The following VAV1 variants were observed in gnomAD, a reference collection of about 807,000 sequenced individuals.
VAV1 encodes the protein proto-oncogene vav.
Under a neutral mutation model 128.1 loss-of-function variants are expected in VAV1, and 33 were observed. The observed-to-expected ratio is 0.26, with a 90% confidence interval of 0.20 to 0.34. The LOEUF (loss-of-function observed/expected upper bound fraction) is 0.34, where lower values mean the gene tolerates loss of function less well. Ranked by LOEUF, VAV1 falls within the 10% of genes least tolerant of loss-of-function variation. The pLI is 1.00. For missense variants in VAV1, 715 were observed against 1,093.7 expected (o/e 0.65, Z 4.88); for synonymous variants, 394 against 409.8 (o/e 0.96, Z 0.47).
intron 19 of VAV1, among the ~76,000 whole-genome samples, chr19:6,835,168 G>A (rs1007669678): frequency 4.6e-5 from 7 of 151,280 alleles, no homozygotes; most frequent in Non-Finnish European, 8.8e-5. Flanking sequence ...GAAACAACCC[G>A]TGTCCTTTGT....
chr19:6,807,598 GC>G (rs1346182450), intron 1 of VAV1, among the ~76,000 whole-genome samples: 4 of 152,140 alleles, frequency 2.6e-5, no homozygotes, highest in Non-Finnish European at 4.4e-5. Context: ...TGTACTGGGA[GC>G]TACTCTGGAG....
chr19:6,850,531 C>T, intron 23 of VAV1, 139 bp from the exon 24 acceptor site: 1 of 699,754 alleles, frequency 1.4e-6, no homozygotes, highest in Non-Finnish European at 2.5e-6. Context: ...AGGGAATGGG[C>T]TCTGTTGGGA....
chr19:6,840,470 T>C (rs1972346125), intron 21 of VAV1, among the ~76,000 whole-genome samples: 2 of 152,024 alleles, frequency 1.3e-5, no homozygotes, highest in African/African-American at 4.8e-5. Context: ...CACGCCTGGC[T>C]AATTTTTTGT....
intron 24 of VAV1, among the ~76,000 whole-genome samples, chr19:6,851,990 TC>T (rs1375645670): frequency 1.3e-5 from 2 of 152,148 alleles, no homozygotes; most frequent in African/African-American, 4.8e-5. Context: ...GTAGTGAGTA[TC>T]TATGAACCTT....
intron 15 of VAV1, among the ~76,000 whole-genome samples, chr19:6,832,533 CCCTTCCTCTTCTTCTTCCTCCTCCTCT>C (rs1972088462): frequency 6.9e-6 from 1 of 144,954 alleles, no homozygotes. Flanking sequence ...CCTCCTCCTC[CCCTTCCTCTTCTTCTTCCTCCTCCTCT>C]CCTTCCTCCC....
At chr19:6,846,566 AATTATAT>A (rs1231964626) in intron 22 of VAV1, among the ~76,000 whole-genome samples, 1 of 150,354 alleles carries the variant, frequency 6.7e-6, no homozygotes, top group Admixed American at 6.7e-5. Context: ...TCTCAAAAAA[AATTATAT>A]ATTATATATA....
chr19:6,845,141 G>T (rs1972487476), intron 22 of VAV1, among the ~76,000 whole-genome samples: 1 of 152,184 alleles, frequency 6.6e-6, no homozygotes, highest in Non-Finnish European at 1.5e-5. Context: ...AGCTCTTTGG[G>T]AGGCCGAGGC....
In VAV1 at chr19:6,820,695, C is replaced by T; in HGVS notation, c.205-7C>T. 1.2e-6 allele frequency: 2 copies of T among 1,613,772 alleles called. No homozygotes were observed. The highest frequency in any genetic ancestry group is 1.7e-6 in the Non-Finnish European group (2 of 1,179,680). On this transcript the variant is annotated splice_polypyrimidine_tract_variant and splice_region_variant and intron_variant, in intron 1 of 26. Coordinates refer to ENST00000602142, the MANE Select transcript of VAV1 (RefSeq NM_005428.4). The surrounding 1 kb of genome is among the most constrained non-coding windows in gnomAD (Gnocchi z 4.4). ...TGCCCCACCCTCATTTCTCTGTCTC[C>T]TCACAGTTCCTGTGCCTTAAGAACA...
At chr19:6,818,322 G>A (rs1277481741) in intron 1 of VAV1, among the ~76,000 whole-genome samples, 1 of 152,198 alleles carries the variant, frequency 6.6e-6, no homozygotes, top group African/African-American at 2.4e-5. Context: ...TTGCGTGGGT[G>A]CCACAACAAA....
intron 26 of VAV1, among the ~76,000 whole-genome samples, chr19:6,855,723 T>G (rs546095781): frequency 6.6e-6 from 1 of 151,722 alleles, no homozygotes; most frequent in Non-Finnish European, 1.5e-5. Context: ...GTCCATTAAT[T>G]CATCCATCCA....
chr19:6,814,033 C>T (rs1316499375), intron 1 of VAV1, among the ~76,000 whole-genome samples: 1 of 152,138 alleles, frequency 6.6e-6, no homozygotes, highest in Non-Finnish European at 1.5e-5. Context: ...CCACTCCGGC[C>T]TGGGTGACAG....
intron 1 of VAV1, among the ~76,000 whole-genome samples, chr19:6,806,244 G>A (rs562979382): frequency 1.3e-5 from 2 of 152,050 alleles, no homozygotes; most frequent in African/African-American, 4.8e-5. Context: ...ATTCCACCAC[G>A]CCCAGCTAAT....
chr19:6,830,416 A>T (rs1260040470), intron 14 of VAV1, among the ~76,000 whole-genome samples: 1 of 151,936 alleles, frequency 6.6e-6, no homozygotes, highest in Non-Finnish European at 1.5e-5. Flanking sequence ...TAAAATGGAA[A>T]GCAAAACAGA....
chr19:6,827,763 AT>A (rs11390834), intron 9 of VAV1, among the ~76,000 whole-genome samples: 28 of 145,512 alleles, frequency 1.9e-4, no homozygotes, highest in African/African-American at 6.6e-4. Context: ...CACGCCAGCT[AT>A]TTTTTTTTTT....
Position 6,814,675 on chromosome 19 carries a change from T to TTCCTTCCTTC in VAV1, c.205-6027_205-6026insTCCTTCCTTC, listed in dbSNP as rs1568299213. ...TCCTTCCTTCCTTCCTTCCTTCCTT[T>TTCCTTCCTTC]CTTTCTTTCTTTCTTTCTTTCTTTC... On this transcript the variant is annotated intron_variant, in intron 1 of 26. Transcript: ENST00000602142. Among the ~76,000 whole-genome samples, 260 of 76,742 alleles carry TTCCTTCCTTC rather than the reference T, an allele frequency of 3.4e-3. 5 individuals carry two copies. Among genetic ancestry groups the TTCCTTCCTTC allele is most frequent in the Middle Eastern group, 0.013 (2 of 156 alleles). 50.3% of individuals were successfully genotyped at this position (76,742 alleles called of 152,430 possible). A position where few individuals can be genotyped will look rare whatever the true frequency, so the allele number is the denominator to read the frequency against.
chr19:6,777,945 C>G lies in VAV1; in HGVS notation c.204+4934C>G, dbSNP rs940319195. On this transcript the variant is annotated intron_variant, in intron 1 of 26. Transcript: ENST00000602142. This position sits in a 1 kb window ranked among gnomAD's most constrained non-coding sequence, Gnocchi z 4.4. Reference sequence around the variant, plus strand: ...CCTCCTGAGTATCTGGGATTACAGGCGCCTGCCACCACGCCTGGCTAATTT... The same window carrying G: ...CCTCCTGAGTATCTGGGATTACAGGGGCCTGCCACCACGCCTGGCTAATTT... Among the ~76,000 whole-genome samples, 3 of 151,944 alleles carry G rather than the reference C, an allele frequency of 2.0e-5. No homozygotes were observed. Among genetic ancestry groups the G allele is most frequent in the Non-Finnish European group, 2.9e-5 (2 of 67,976 alleles).
chr19:6,792,938 C>T (rs931713320), intron 1 of VAV1, among the ~76,000 whole-genome samples: 5 of 152,060 alleles, frequency 3.3e-5, no homozygotes, highest in African/African-American at 7.2e-5. Context: ...GCGCTGAGAC[C>T]GAGGGACTCA....
intron 21 of VAV1, among the ~76,000 whole-genome samples, chr19:6,838,430 TCCATCC>T (rs1568313135): frequency 6.9e-6 from 1 of 144,114 alleles, no homozygotes; most frequent in Admixed American, 6.7e-5. Context: ...CATCCATCCA[TCCATCC>T]ATCTATCATC....
intron 7 of VAV1, 68 bp from the exon 8 acceptor site, chr19:6,825,235 G>T: frequency 6.3e-7 from 1 of 1,578,970 alleles, no homozygotes; most frequent in South Asian, 1.1e-5. Context: ...GCGGGTGGAT[G>T]ACCCTTTCCT....
Sources: allele counts gnomAD v4.1 joint callset (sites outside exome capture counted in the v4.1 genomes callset), GRCh38; gene constraint gnomAD v4.1.1; non-coding constraint Gnocchi (gnomAD v3.1); transcripts MANE v1.5; gene names NCBI Gene and HGNC (gene_info 2026-07-23, HGNC 2026-07-21).